Variants in ARAP2 observed in about 807,000 individuals in gnomAD.
ARAP2 encodes arf-GAP with Rho-GAP domain, ANK repeat and PH domain-containing protein 2.
A neutral mutation model predicts 194.5 loss-of-function variants in ARAP2; 148 were observed. The observed-to-expected ratio is 0.76, with a 90% CI of 0.67 to 0.87. The LOEUF (loss-of-function observed/expected upper bound fraction) is 0.87, where lower values mean the gene tolerates loss of function less well. Among genes scored for constraint, ARAP2 ranks in the 40% least tolerant of loss-of-function variants. ARAP2 has a pLI of 0.00. For missense variants in ARAP2, 2,128 were observed against 1,989.7 expected, an observed-to-expected ratio of 1.07 and a Z score of -1.32; for synonymous variants, 695 against 683.5, an observed-to-expected ratio of 1.02 and a Z score of -0.26.
At position 36,015,798 on chromosome 4, in the gene ARAP2, A is replaced by T. The variant is rs575292720; in HGVS notation, n.809+102T>A. 11 of 152,342 alleles carry T rather than the reference A, an allele frequency of 7.2e-5. No homozygotes were observed. In the Middle Eastern group the frequency reaches 0.01, roughly 141 times the overall value. 9.4% of individuals were successfully genotyped at this position (152,342 alleles called of 1,614,324 possible). A position where few individuals can be genotyped will look rare whatever the true frequency, so the allele number is the denominator to read the frequency against. On this transcript the variant is annotated intron_variant and non_coding_transcript_variant, in intron 7 of 12. Transcript: ENST00000503225. ...TACAATATGCTCTGGCCATGTTTTCAATCTCTATCCAAGTAATGGCAAGAA... is the reference window on the plus strand; with the variant it reads ...TACAATATGCTCTGGCCATGTTTTCTATCTCTATCCAAGTAATGGCAAGAA...
intron 31 of ARAP2, among the ~76,000 whole-genome samples, chr4:36,076,522 C>T (rs1257705199): frequency 1.3e-5 from 2 of 152,112 alleles, no homozygotes; most frequent in East Asian, 3.9e-4. Context: ...CTTCTTATCA[C>T]TGCTTTTGCT....
intron 8 of ARAP2, among the ~76,000 whole-genome samples, chr4:36,182,127 A>G (rs1239609237): frequency 2.0e-5 from 3 of 152,206 alleles, no homozygotes; most frequent in African/African-American, 7.2e-5. Context: ...ACACAAAAAG[A>G]TAAGGACAGA....
intron 5 of ARAP2, among the ~76,000 whole-genome samples, chr4:36,031,382 A>G (rs183777732): frequency 1.0e-3 from 154 of 152,342 alleles, no homozygotes; most frequent in African/African-American, 2.3e-3. Context: ...GCCTTCTTAT[A>G]CTAAGAAGCT....
intron 19 of ARAP2, among the ~76,000 whole-genome samples, chr4:36,139,542 C>T (rs1727717390): frequency 6.6e-6 from 1 of 151,622 alleles, no homozygotes; most frequent in South Asian, 2.1e-4. Context: ...TTTCTACTGT[C>T]TGTATCAATT....
At chr4:36,184,795 AG>A (rs922667893) in intron 8 of ARAP2, among the ~76,000 whole-genome samples, 1 of 152,248 alleles carries the variant, frequency 6.6e-6, no homozygotes, top group African/African-American at 2.4e-5. Flanking sequence ...GTTACCTTTC[AG>A]GGTGGTGGAA....
At chr4:36,189,905 A>G (rs1048319189) in intron 7 of ARAP2, among the ~76,000 whole-genome samples, 17 of 151,974 alleles carry the variant, frequency 1.1e-4, no homozygotes, top group Non-Finnish European at 5.9e-5. Flanking sequence ...TAAAATATCA[A>G]CTCTTCCAGT....
rs540151079 is a variant in ARAP2 at position 36,230,687 on chromosome 4, C to T, written c.-159-1042G>A. On this transcript the variant is annotated intron_variant, in intron 1 of 32. Transcript: ENST00000303965. The stretch of plus-strand genomic sequence containing the variant: ...TACATTGTGCGTCAATAAAAAAGTA[C>T]AGAGCAGGCATGACACACATACACT... Among the ~76,000 whole-genome samples, 25 of 152,228 alleles carry T rather than the reference C, an allele frequency of 1.6e-4. No homozygotes were observed. The South Asian group carries it at 5.2e-3, about 32-fold the overall frequency.
intron 15 of ARAP2, among the ~76,000 whole-genome samples, chr4:36,158,012 C>G (rs140039174): frequency 2.6e-5 from 4 of 152,104 alleles, no homozygotes; most frequent in East Asian, 3.9e-4. Flanking sequence ...CTCTTACACT[C>G]TTTGTTACAG....
At chr4:36,047,309 G>C (rs913264986) in intron 3 of ARAP2, 1 of 152,226 alleles carries the variant, frequency 6.6e-6, no homozygotes. Context: ...ATCCAAGAGA[G>C]TGTAGCACTT....
intron 9 of ARAP2, among the ~76,000 whole-genome samples, chr4:36,176,926 G>A (rs1738063113): frequency 6.6e-6 from 1 of 151,738 alleles, no homozygotes; most frequent in East Asian, 1.9e-4. Flanking sequence ...CCATAATGAT[G>A]TATCATAAAA....
intron 19 of ARAP2, among the ~76,000 whole-genome samples, chr4:36,136,810 T>TGTGC (rs1186825739): frequency 6.9e-5 from 9 of 129,596 alleles, no homozygotes; most frequent in Admixed American, 4.2e-4. Context: ...TGTGTGTGTG[T>TGTGC]GTGTGTGTGC....
At chr4:36,099,482 T>C (rs1414484153) in intron 27 of ARAP2, among the ~76,000 whole-genome samples, 1 of 152,098 alleles carries the variant, frequency 6.6e-6, no homozygotes, top group Non-Finnish European at 1.5e-5. Flanking sequence ...CGTACGCCTG[T>C]CATACAAGCT....
chr4:36,047,726 C>G (rs890026576), intron 3 of ARAP2, among the ~76,000 whole-genome samples: 4 of 152,164 alleles, frequency 2.6e-5, no homozygotes, highest in Admixed American at 2.0e-4. Context: ...CAGATAGCAG[C>G]AACAACTAAT....
At chr4:36,174,482 C>A (rs551621900) in intron 9 of ARAP2, among the ~76,000 whole-genome samples, 2 of 152,178 alleles carry the variant, frequency 1.3e-5, no homozygotes, top group East Asian at 1.9e-4. Context: ...AATGTTTTTA[C>A]AAATATTTTC....
At chr4:36,190,155 T>C (rs2109904015) in intron 7 of ARAP2, among the ~76,000 whole-genome samples, 1 of 152,356 alleles carries the variant, frequency 6.6e-6, no homozygotes, top group East Asian at 1.9e-4. Context: ...ACATACTTAC[T>C]GCCTCCTCAA....
At chr4:36,096,362 CAA>C (rs10632831) in intron 27 of ARAP2, among the ~76,000 whole-genome samples, 6 of 80,978 alleles carry the variant, frequency 7.4e-5, no homozygotes, top group Non-Finnish European at 8.6e-5. Context: ...GAGACTCTCT[CAA>C]AAAAAAAAAA....
chr4:36,032,281 G>A (rs1348300362), intron 5 of ARAP2, among the ~76,000 whole-genome samples: 4 of 152,210 alleles, frequency 2.6e-5, no homozygotes, highest in African/African-American at 9.7e-5. Context: ...AAGGGTAAGA[G>A]ATTCTCGCTA....
chr4:36,156,425 A>G (rs59197771), intron 15 of ARAP2, among the ~76,000 whole-genome samples: 317 of 5,350 alleles, frequency 0.059, 32 homozygotes, highest in African/African-American at 0.11. Context: ...GAAAGAAAGA[A>G]AGAAAGAAAG....
chr4:36,166,848 A>G (rs757081873), intron 10 of ARAP2, 84 bp downstream of exon 10: 192 of 713,198 alleles, frequency 2.7e-4, no homozygotes, highest in Non-Finnish European at 3.7e-4. Flanking sequence ...CCTACAAGAG[A>G]AAAATCACCA....
Sources: allele counts gnomAD v4.1 joint callset (sites outside exome capture counted in the v4.1 genomes callset), GRCh38; gene constraint gnomAD v4.1.1; transcripts MANE v1.5; gene names NCBI Gene and HGNC (gene_info 2026-07-23, HGNC 2026-07-21).